Variants in ASNS observed in about 807,000 individuals in gnomAD.
ASNS encodes asparagine synthetase (glutamine-hydrolyzing), also known as asparagine synthetase [glutamine-hydrolyzing].
A neutral mutation model predicts 62.6 loss-of-function variants in ASNS; 37 were observed. The ratio of observed to expected loss-of-function variants is 0.59; its 90% confidence interval spans 0.45 to 0.78. The LOEUF is 0.78. Among genes scored for constraint, ASNS ranks in the 30% least tolerant of loss-of-function variants. The pLI, the probability that ASNS is intolerant of heterozygous loss-of-function variation, is 0.00. For synonymous variants in ASNS, 207 were observed against 237.9 expected, an observed-to-expected ratio of 0.87 and a Z score of 1.19; for missense variants, 520 against 682.4, an observed-to-expected ratio of 0.76 and a Z score of 2.65.
intron 3 of ASNS, 113 bp from the exon 4 acceptor site, chr7:97,864,609 T>C (rs1399654155): frequency 2.7e-6 from 2 of 753,742 alleles, no homozygotes; most frequent in Non-Finnish European, 4.5e-6. Flanking sequence ...TCATGCACTT[T>C]GGTGATTTAG....
Position 97,867,047 on chromosome 7 carries a change from G to A in ASNS, c.249+1861C>T, listed in dbSNP as rs763429816. 1.2e-4 allele frequency among the ~76,000 whole-genome samples: 16 copies of A among 130,474 alleles called. 2 individuals carry two copies. The highest frequency in any genetic ancestry group is 5.0e-5 in the African/African-American group (2 of 40,036). The allele number at this position is 130,474 out of a possible 152,430, so 85.6% of individuals were successfully genotyped here. On this transcript the variant is annotated intron_variant, in intron 3 of 12. Transcript: ENST00000394308. ...AAAGGAGAAGGGTCCTTTGGGTAAC[G>A]GATGTATTACTTCCTACTCTCCTAA...
the ASNS span, among the ~76,000 whole-genome samples, chr7:97,924,812 G>T: frequency 6.6e-6 from 1 of 152,254 alleles, no homozygotes; most frequent in African/African-American, 2.4e-5. Context: ...AAAAGATATT[G>T]CCCAAGTATT....
Position 97,869,179 on chromosome 7 carries a change from T to C in ASNS, c.-23A>G, listed in dbSNP as rs1284274908. ...CATGGTGCAATGAAGCTATAAGCTT[T>C]CTATGGAGAGAAAAGCAGACAAATC... On this transcript the variant is annotated splice_region_variant and 5_prime_UTR_variant, in exon 3 of 13. Transcript: ENST00000394308. 6.2e-7 allele frequency: 1 copy of C among 1,607,192 alleles called. No homozygotes were observed. Among genetic ancestry groups the C allele is most frequent in the Non-Finnish European group, 8.5e-7 (1 of 1,174,710 alleles).
the ASNS span, chr7:97,906,397 A>G: frequency 3.5e-6 from 1 of 283,110 alleles, no homozygotes. Context: ...GGCCTCAACT[A>G]CCCTCCAACC....
intron 5 of ASNS, 76 bp from the exon 6 acceptor site, chr7:97,859,031 C>T: frequency 7.0e-7 from 1 of 1,438,198 alleles, no homozygotes. Context: ...AATACACAAT[C>T]ATCAACATCT....
the ASNS span, among the ~76,000 whole-genome samples, chr7:97,887,687 A>G: frequency 1.1e-3 from 166 of 152,310 alleles, no homozygotes; most frequent in Non-Finnish European, 5.6e-4. Flanking sequence ...TGCTAGATTG[A>G]CCAATCCTCA....
chr7:97,896,727 C>CATATAT, the ASNS span, among the ~76,000 whole-genome samples: 1 of 31,654 alleles, frequency 3.2e-5, no homozygotes, highest in African/African-American at 9.1e-5. Context: ...CACACACACA[C>CATATAT]ACACACACAC....
the ASNS span, among the ~76,000 whole-genome samples, chr7:97,901,230 C>T: frequency 6.6e-6 from 1 of 152,146 alleles, no homozygotes; most frequent in Non-Finnish European, 1.5e-5. Flanking sequence ...GAATCTCGCT[C>T]TGTCTCCCAG....
chr7:97,916,708 G>C, the ASNS span, among the ~76,000 whole-genome samples: 4 of 152,208 alleles, frequency 2.6e-5, no homozygotes, highest in Non-Finnish European at 5.9e-5. Flanking sequence ...TTTCTGGAAG[G>C]GGGAGGCGGT....
At chr7:97,863,600 G>C (rs2115701653) in intron 4 of ASNS, 1 of 152,374 alleles carries the variant, frequency 6.6e-6, no homozygotes, top group East Asian at 1.9e-4. Flanking sequence ...GAGCCCACGA[G>C]TTCAAGGCTG....
chr7:97,925,381 G>T, the ASNS span, among the ~76,000 whole-genome samples: 11,651 of 152,090 alleles, frequency 0.077, 907 homozygotes, highest in African/African-American at 0.2. Flanking sequence ...TAGACCAATG[G>T]CTCTCAACTG....
intron 3 of ASNS, among the ~76,000 whole-genome samples, chr7:97,867,671 C>T (rs1792042103): frequency 6.6e-6 from 1 of 152,174 alleles, no homozygotes; most frequent in South Asian, 2.1e-4. Flanking sequence ...CTACCTCCCA[C>T]TAGCAGGAAA....
At chr7:97,883,436 A>G in the ASNS span, among the ~76,000 whole-genome samples, 6 of 151,058 alleles carry the variant, frequency 4.0e-5, no homozygotes, top group Non-Finnish European at 8.8e-5. Context: ...ACCCACATTC[A>G]GTGACCAAGT....
chr7:97,854,536 G>A, intron 10 of ASNS, 44 bp downstream of exon 10: 1 of 1,586,116 alleles, frequency 6.3e-7, no homozygotes, highest in Admixed American at 1.9e-5. Flanking sequence ...TTTGTTTTTG[G>A]TGTTTTTTTG....
upstream of ASNS, among the ~76,000 whole-genome samples, chr7:97,875,653 A>C (rs1030524704): frequency 9.9e-5 from 15 of 152,194 alleles, no homozygotes; most frequent in African/African-American, 3.6e-4. Context: ...GCTGCTGCTC[A>C]TGGTTCATTG....
chr7:97,919,598 G>C, the ASNS span, among the ~76,000 whole-genome samples: 2 of 152,190 alleles, frequency 1.3e-5, no homozygotes, highest in Non-Finnish European at 2.9e-5. Context: ...AACTTAAGCC[G>C]ACAAGCTTTC....
the ASNS span, among the ~76,000 whole-genome samples, chr7:97,896,925 C>T: frequency 6.6e-6 from 1 of 150,590 alleles, no homozygotes; most frequent in African/African-American, 2.4e-5. Context: ...ATAAAGGACA[C>T]CCCACCCTCT....
In ASNS at chr7:97,852,318, T is replaced by G; in HGVS notation, c.1627A>C (p.Asn543His). 6.2e-7 allele frequency: 1 copy of G among 1,614,158 alleles called. No homozygotes were observed. Among genetic ancestry groups the G allele is most frequent in the Non-Finnish European group, 8.5e-7 (1 of 1,180,018 alleles). ...GTGCGGGCAGAAGGGTCAGTGGCAT[T>G]GATCCACTTGGGCATCCAGTAATGG... The part of the protein sequence containing the change: ...LSHYWMPKWI[N>H]ATDPSARTLT... Residue 543 changes from asparagine (N) to histidine (H), a missense_variant, in exon 13 of 13, where the codon AAT becomes CAT. By Grantham distance (68) the Asn-to-His change is moderately conservative. Transcript: ENST00000394308.
the ASNS span, among the ~76,000 whole-genome samples, chr7:97,914,257 T>A: frequency 6.6e-6 from 1 of 151,978 alleles, no homozygotes; most frequent in African/African-American, 2.4e-5. Context: ...TGAGCATTTT[T>A]TCAGGGTCCT....
Sources: allele counts gnomAD v4.1 joint callset (sites outside exome capture counted in the v4.1 genomes callset), GRCh38; gene constraint gnomAD v4.1.1; transcripts MANE v1.5; gene names NCBI Gene and HGNC (gene_info 2026-07-23, HGNC 2026-07-21).